The following GRM1 variants were observed in gnomAD, a reference collection of about 807,000 sequenced individuals.
GRM1 encodes metabotropic glutamate receptor 1.
GRM1 carries 33 observed loss-of-function variants against 90.9 expected under a neutral mutation model. The ratio of observed to expected loss-of-function variants is 0.36; its 90% CI spans 0.28 to 0.49. GRM1 has a LOEUF of 0.49. Ranked by LOEUF, GRM1 falls within the 20% of genes least tolerant of loss-of-function variation. GRM1 has a pLI of 0.99. For missense variants in GRM1, 1,190 were observed against 1,534.3 expected (o/e 0.78, Z 3.75); for synonymous variants, 700 against 613.2 (o/e 1.14, Z -2.09).
Position 146,097,771 on chromosome 6 carries a change from T to A in GRM1, c.701-61577T>A, listed in dbSNP as rs151189335. ...GGAGCTTGTTCAAATTCATGCATCGTTGAGGGCCAAATCTGGATCATCTGT... is the reference window on the plus strand; with the variant it reads ...GGAGCTTGTTCAAATTCATGCATCGATGAGGGCCAAATCTGGATCATCTGT... On this transcript the variant is annotated intron_variant, in intron 1 of 7. Transcript: ENST00000282753. Among the ~76,000 whole-genome samples the A allele has an allele frequency of 2.3e-4, 35 of 152,306 alleles. 1 individual carries two copies. The highest frequency in any genetic ancestry group is 1.7e-3 in the East Asian group (9 of 5,168).
intron 1 of GRM1, among the ~76,000 whole-genome samples, chr6:146,096,079 T>C (rs1562460327): frequency 6.6e-6 from 1 of 152,174 alleles, no homozygotes; most frequent in East Asian, 1.9e-4. Context: ...TTAATCAGTC[T>C]CAAGCCTAGA....
chr6:146,159,470 C>G lies in GRM1; in HGVS notation c.823C>G (p.Arg275Gly), dbSNP rs766567009. Residue 275 changes from arginine (R) to glycine (G), a missense_variant, in exon 2 of 8, where the codon CGC becomes GGC. Physicochemically the swap from Arg to Gly is moderately radical, Grantham distance 125. Transcript: ENST00000282753. Reference protein sequence around the residue: ...AGEKSFDRLLRKLRERLPKAR... With the variant: ...AGEKSFDRLLGKLRERLPKAR... ...GGAGAAGAGCTTTGACCGACTCTTG[C>G]GCAAACTCCGAGAGAGGCTTCCCAA... The G allele has an allele frequency of 6.2e-7, 1 of 1,614,082 alleles. No homozygotes were observed. Among genetic ancestry groups the G allele is most frequent in the South Asian group, 1.1e-5 (1 of 91,086 alleles).
intron 1 of GRM1, among the ~76,000 whole-genome samples, chr6:146,055,366 ATAAC>A (rs1337332323): frequency 6.6e-6 from 1 of 152,150 alleles, no homozygotes; most frequent in East Asian, 1.9e-4. Context: ...TACATTTGAA[ATAAC>A]TAACCACACC....
chr6:146,227,091 T>A (rs371198433), intron 2 of GRM1, among the ~76,000 whole-genome samples: 1 of 152,126 alleles, frequency 6.6e-6, no homozygotes. Context: ...CATTTATCTA[T>A]CTTTAGTGCA....
chr6:146,048,478 C>T (rs575649149), intron 1 of GRM1, among the ~76,000 whole-genome samples: 4 of 152,078 alleles, frequency 2.6e-5, no homozygotes, highest in Admixed American at 1.3e-4. Flanking sequence ...TTTTTCAAAA[C>T]ATTTCAAATA....
At chr6:146,411,474 G>A (rs906579096) in intron 7 of GRM1, among the ~76,000 whole-genome samples, 29 of 152,306 alleles carry the variant, frequency 1.9e-4, no homozygotes, top group African/African-American at 5.8e-4. Flanking sequence ...AGCCTTATGA[G>A]CTTGGACCTT....
chr6:146,277,705 A>G (rs1413727778), intron 2 of GRM1, among the ~76,000 whole-genome samples: 2 of 152,146 alleles, frequency 1.3e-5, no homozygotes, highest in Non-Finnish European at 1.5e-5. Flanking sequence ...ATTTGTTACA[A>G]TATATTGTAA....
At chr6:146,086,571 G>A (rs1305222000) in intron 1 of GRM1, among the ~76,000 whole-genome samples, 12 of 151,920 alleles carry the variant, frequency 7.9e-5, no homozygotes, top group Non-Finnish European at 5.9e-5. Flanking sequence ...ATAAAAAGTA[G>A]GAGATAAATA....
intron 2 of GRM1, among the ~76,000 whole-genome samples, chr6:146,293,120 G>A (rs1373221877): frequency 1.3e-5 from 2 of 151,992 alleles, no homozygotes; most frequent in Non-Finnish European, 2.9e-5. Context: ...TGGGGACAGG[G>A]AGAAATAGGA....
intron 2 of GRM1, among the ~76,000 whole-genome samples, chr6:146,214,390 A>G (rs1158338541): frequency 1.3e-5 from 2 of 152,244 alleles, no homozygotes. Context: ...GAAAGAAAAC[A>G]AAGATTGCTC....
intron 1 of GRM1, among the ~76,000 whole-genome samples, chr6:146,124,566 C>T (rs1424400452): frequency 6.6e-6 from 1 of 152,086 alleles, no homozygotes; most frequent in East Asian, 1.9e-4. Context: ...ATATTGGCAA[C>T]AATTATCTTC....
intron 2 of GRM1, among the ~76,000 whole-genome samples, chr6:146,228,601 T>C (rs751834257): frequency 1.5e-4 from 23 of 152,264 alleles, no homozygotes; most frequent in Admixed American, 5.9e-4. Flanking sequence ...GCTTAATTAG[T>C]GCAATGACAG....
chr6:146,409,886 G>A (rs991521237), intron 7 of GRM1, among the ~76,000 whole-genome samples: 3 of 152,156 alleles, frequency 2.0e-5, no homozygotes, highest in African/African-American at 4.8e-5. Context: ...AGGTGATGCT[G>A]CTCCAGGTAA....
intron 2 of GRM1, among the ~76,000 whole-genome samples, chr6:146,247,400 A>C (rs917604074): frequency 6.6e-6 from 1 of 152,186 alleles, no homozygotes; most frequent in Non-Finnish European, 1.5e-5. Context: ...AAGTGAAACA[A>C]CTTGAAAATA....
chr6:146,060,050 C>A (rs192455230), intron 1 of GRM1, among the ~76,000 whole-genome samples: 13 of 152,132 alleles, frequency 8.5e-5, no homozygotes, highest in Admixed American at 5.9e-4. Flanking sequence ...ACTTTTAATT[C>A]CTTTCAGGGA....
chr6:146,135,495 A>G (rs1252316855), intron 1 of GRM1, among the ~76,000 whole-genome samples: 1 of 152,212 alleles, frequency 6.6e-6, no homozygotes, highest in Non-Finnish European at 1.5e-5. Context: ...TTACAGACAC[A>G]TAGTAAGAGA....
intron 3 of GRM1, among the ~76,000 whole-genome samples, chr6:146,319,470 T>C (rs750976329): frequency 3.9e-5 from 6 of 152,208 alleles, no homozygotes; most frequent in African/African-American, 9.6e-5. Context: ...TGGTTTCATA[T>C]GAAATTTAAA....
chr6:146,095,981 T>C (rs1481518377), intron 1 of GRM1, among the ~76,000 whole-genome samples: 1 of 152,154 alleles, frequency 6.6e-6, no homozygotes, highest in African/African-American at 2.4e-5. Flanking sequence ...TCCTCTTTCC[T>C]GACAATATTT....
chr6:146,162,747 G>T (rs2128892151), intron 2 of GRM1, among the ~76,000 whole-genome samples: 1 of 152,082 alleles, frequency 6.6e-6, no homozygotes, highest in Middle Eastern at 3.4e-3. Flanking sequence ...TAGAAAAATG[G>T]ACTTTTAAAA....
Sources: gnomAD v4.1 joint callset for allele counts (sites outside exome capture counted in the v4.1 genomes callset) on GRCh38, gnomAD v4.1.1 for gene constraint, MANE v1.5 for transcripts, NCBI Gene and HGNC (gene_info 2026-07-23, HGNC 2026-07-21) for gene names.